Variants in ANO1 observed in about 807,000 individuals in gnomAD.
The protein encoded by ANO1 is anoctamin-1.
A neutral mutation model predicts 124.0 loss-of-function variants in ANO1; 59 were observed. The observed-to-expected ratio is 0.48, with a 90% CI of 0.39 to 0.59. ANO1 has a LOEUF of 0.59. Among genes scored for constraint, ANO1 ranks in the 20% least tolerant of loss-of-function variants. ANO1 has a pLI of 0.00. For synonymous variants in ANO1, 529 were observed against 532.0 expected (o/e 0.99, Z 0.08); for missense variants, 1,059 against 1,328.0 (o/e 0.80, Z 3.15).
At chr11:70,030,874 AC>A (rs539231131) in intron 1 of ANO1, among the ~76,000 whole-genome samples, 149 of 152,030 alleles carry the variant, frequency 9.8e-4, no homozygotes, top group Middle Eastern at 3.4e-3. Flanking sequence ...GAAGAGAAAC[AC>A]CCCCCGTTTT....
chr11:70,158,299 C>T (rs939509510), intron 16 of ANO1, among the ~76,000 whole-genome samples: 1 of 152,182 alleles, frequency 6.6e-6, no homozygotes, highest in African/African-American at 2.4e-5. Context: ...CGGAGCCAGC[C>T]GTGGTCATGT....
chr11:69,993,429 T>C (rs1288651019), intron 1 of ANO1, among the ~76,000 whole-genome samples: 1 of 152,146 alleles, frequency 6.6e-6, no homozygotes, highest in Non-Finnish European at 1.5e-5. Context: ...TCCTGGACCA[T>C]CAACAGCTGG....
At chr11:70,089,553 G>C (rs930530575) in intron 2 of ANO1, among the ~76,000 whole-genome samples, 3 of 152,176 alleles carry the variant, frequency 2.0e-5, no homozygotes, top group African/African-American at 7.2e-5. Context: ...ACCTTCCTGA[G>C]GTCTGGCCAC....
intron 16 of ANO1, among the ~76,000 whole-genome samples, chr11:70,157,873 G>A (rs1054053222): frequency 4.6e-5 from 7 of 151,432 alleles, no homozygotes; most frequent in Admixed American, 3.3e-4. Context: ...CCAGCTATTC[G>A]GGAGGCTGTA....
chr11:70,139,770 T>C (rs2047082521), intron 11 of ANO1, among the ~76,000 whole-genome samples: 1 of 152,262 alleles, frequency 6.6e-6, no homozygotes, highest in Non-Finnish European at 1.5e-5. Flanking sequence ...ATATACCCAG[T>C]AATGGCATTG....
chr11:69,997,586 G>T (rs1017302311), intron 1 of ANO1, among the ~76,000 whole-genome samples: 2 of 152,176 alleles, frequency 1.3e-5, no homozygotes, highest in Non-Finnish European at 2.9e-5. Context: ...ATTCTCCTCT[G>T]ATATGGTTTG....
intron 2 of ANO1, among the ~76,000 whole-genome samples, chr11:70,099,411 C>T (rs1487235166): frequency 2.0e-5 from 3 of 152,250 alleles, no homozygotes; most frequent in East Asian, 3.9e-4. Context: ...GCAGCAGCCA[C>T]CGGCTCCTTG....
intron 8 of ANO1, among the ~76,000 whole-genome samples, chr11:70,118,817 G>T (rs2046109302): frequency 6.6e-6 from 1 of 151,772 alleles, no homozygotes; most frequent in Admixed American, 6.6e-5. Flanking sequence ...AGGGATGAAT[G>T]GTGGATGATG....
intron 21 of ANO1, 39 bp downstream of exon 21, chr11:70,167,426 G>A (rs1039777774): frequency 6.3e-6 from 10 of 1,586,482 alleles, no homozygotes; most frequent in Non-Finnish European, 8.6e-6. Context: ...CATCAGGATA[G>A]AAACAGGCCA....
intron 4 of ANO1, 117 bp downstream of exon 4, chr11:70,104,267 G>C: frequency 8.0e-7 from 1 of 1,243,744 alleles, no homozygotes; most frequent in Non-Finnish European, 1.1e-6. Context: ...GTTCTTGTAA[G>C]AGCTTTGTGG....
the ANO1 span, among the ~76,000 whole-genome samples, chr11:69,974,502 G>A: frequency 4.5e-4 from 69 of 152,320 alleles, no homozygotes; most frequent in Middle Eastern, 3.4e-3. Flanking sequence ...AGGAAAGGGC[G>A]TCTGCCCAAG....
intron 11 of ANO1, among the ~76,000 whole-genome samples, chr11:70,135,814 C>T (rs1054899224): frequency 6.6e-6 from 1 of 152,254 alleles, no homozygotes; most frequent in African/African-American, 2.4e-5. Flanking sequence ...GAGCTTAACA[C>T]GCCGGGCGAT....
At chr11:70,006,966 G>A (rs948969776) in intron 1 of ANO1, among the ~76,000 whole-genome samples, 12 of 151,998 alleles carry the variant, frequency 7.9e-5, no homozygotes, top group Middle Eastern at 3.4e-3. Context: ...CATCACACCC[G>A]GCCCATTTTA....
the ANO1 span, among the ~76,000 whole-genome samples, chr11:69,970,445 T>C: frequency 1.3e-5 from 2 of 152,154 alleles, no homozygotes; most frequent in East Asian, 3.9e-4. Flanking sequence ...CCTGGGAATG[T>C]CATGTTAGGA....
intron 1 of ANO1, among the ~76,000 whole-genome samples, chr11:70,014,316 A>G: frequency 1.1e-5 from 1 of 87,998 alleles, no homozygotes; most frequent in African/African-American, 4.5e-5. Context: ...AGGGCACCCC[A>G]CTCCCCGCCC....
At chr11:69,993,678 C>A (rs553883085) in intron 1 of ANO1, among the ~76,000 whole-genome samples, 45 of 152,374 alleles carry the variant, frequency 3.0e-4, no homozygotes, top group African/African-American at 9.9e-4. Context: ...CCACCTGGTG[C>A]AGCTGGCGCC....
At chr11:70,070,555 AATCCCAGCTAC>A (rs1857846424) in intron 1 of ANO1, among the ~76,000 whole-genome samples, 1 of 152,194 alleles carries the variant, frequency 6.6e-6, no homozygotes, top group Non-Finnish European at 1.5e-5. Flanking sequence ...GGGTGCCTGT[AATCCCAGCTAC>A]TTGGAAGGCT....
chr11:70,011,690 A>G (rs1391006155), intron 1 of ANO1, among the ~76,000 whole-genome samples: 1 of 152,202 alleles, frequency 6.6e-6, no homozygotes, highest in Non-Finnish European at 1.5e-5. Context: ...GAAGAGGTCC[A>G]CTATTTGCCT....
At chr11:70,058,362 T>G (rs974177947) in intron 1 of ANO1, among the ~76,000 whole-genome samples, 4 of 152,234 alleles carry the variant, frequency 2.6e-5, no homozygotes, top group African/African-American at 9.6e-5. Flanking sequence ...ACTCTTCATT[T>G]AAAAATATAC....
Sources: gnomAD v4.1 joint callset for allele counts (sites outside exome capture counted in the v4.1 genomes callset) on GRCh38, gnomAD v4.1.1 for gene constraint, MANE v1.5 for transcripts, NCBI Gene and HGNC (gene_info 2026-07-23, HGNC 2026-07-21) for gene names.